Variants in CRIPT observed in about 807,000 individuals in gnomAD.
The protein encoded by CRIPT is cysteine-rich PDZ-binding protein.
CRIPT carries 20 observed loss-of-function variants against 16.6 expected under a neutral mutation model. The ratio of observed to expected loss-of-function variants is 1.20; its 90% CI spans 0.85 to 1.75. The LOEUF (loss-of-function observed/expected upper bound fraction) is 1.75. Ranked by LOEUF, CRIPT falls within the 40% of genes most tolerant of loss-of-function variation. The probability of loss-of-function intolerance (pLI) is 0.00; values close to 1 mark genes in which losing one functional copy is unlikely to be tolerated. For missense variants in CRIPT, 133 were observed against 115.3 expected (o/e 1.15, Z -0.70); for synonymous variants, 42 against 37.0 (o/e 1.14, Z -0.49).
At position 46,624,270 on chromosome 2, in the gene CRIPT, C is replaced by G; in HGVS notation, c.*43C>G. ...CTGGCTTTCTAAATGATTTTACTTTCTGCCTTGAATTTTCAAGGCATAGAT... is the reference window on the plus strand; with the variant it reads ...CTGGCTTTCTAAATGATTTTACTTTGTGCCTTGAATTTTCAAGGCATAGAT... On this transcript the variant is annotated 3_prime_UTR_variant, in exon 5 of 5. Coordinates refer to ENST00000238892, the MANE Select transcript of CRIPT (RefSeq NM_014171.6). 7.3e-7 allele frequency: 1 copy of G among 1,378,302 alleles called. No homozygotes were observed. The highest frequency in any genetic ancestry group is 2.0e-5 in the Admixed American group (1 of 50,070). The allele number at this position is 1,378,302 out of a possible 1,614,324, so 85.4% of individuals were successfully genotyped here.
chr2:46,621,158 C>A (rs762984916), intron 3 of CRIPT, among the ~76,000 whole-genome samples: 6 of 152,190 alleles, frequency 3.9e-5, no homozygotes, highest in African/African-American at 1.2e-4. Context: ...TTACAAAGTT[C>A]CTTTGCTTAA....
chr2:46,619,555 G>C lies in CRIPT; in HGVS notation c.83-72G>C, dbSNP rs906977804. On this transcript the variant is annotated intron_variant, in intron 2 of 4. Coordinates refer to ENST00000238892, the MANE Select transcript of CRIPT (RefSeq NM_014171.6). ...ACTACTATTTTGGTAGAAAGTCAAG[G>C]AATGAACTTCTTAATATTATATGTT... is the stretch of plus-strand genomic sequence containing the variant. 3.9e-6 allele frequency: 4 copies of C among 1,026,770 alleles called. No homozygotes were observed. In the African/African-American group the frequency reaches 6.7e-5, roughly 17 times the overall value. The allele number at this position is 1,026,770 out of a possible 1,614,324, so 63.6% of individuals were successfully genotyped here.
chr2:46,617,854 C>G (rs907551545), intron 1 of CRIPT, among the ~76,000 whole-genome samples: 54 of 151,996 alleles, frequency 3.6e-4, no homozygotes, highest in African/African-American at 1.2e-3. Flanking sequence ...TTTGGGGATT[C>G]TATATTTGGA....
In CRIPT at chr2:46,625,913, A is replaced by G. The variant is rs1315573343; in HGVS notation, c.*1686A>G. ...TAGAATCTGGACTTGCCTAACTCAC[A>G]TTTCATTTTTTTTGTTGTTGTTGTT... On this transcript the variant is annotated 3_prime_UTR_variant, in exon 5 of 5. Coordinates refer to ENST00000238892, the MANE Select transcript of CRIPT (RefSeq NM_014171.6). 2.0e-5 allele frequency among the ~76,000 whole-genome samples: 3 copies of G among 151,900 alleles called. No homozygotes were observed. Among genetic ancestry groups the G allele is most frequent in the African/African-American group, 4.8e-5 (2 of 41,256 alleles).
chr2:46,619,267 T>A (rs1203914447), intron 2 of CRIPT, among the ~76,000 whole-genome samples: 1 of 152,142 alleles, frequency 6.6e-6, no homozygotes, highest in Non-Finnish European at 1.5e-5. Flanking sequence ...TCATTATTAT[T>A]AAATACATAT....
At position 46,617,311 on chromosome 2, in the gene CRIPT, G is replaced by A. The variant is rs756000762; in HGVS notation, c.16+13G>A. 6.4e-7 allele frequency: 1 copy of A among 1,554,188 alleles called. No homozygotes were observed. Among genetic ancestry groups the A allele is most frequent in the Non-Finnish European group, 8.7e-7 (1 of 1,147,916 alleles). On this transcript the variant is annotated intron_variant, in intron 1 of 4. Coordinates refer to ENST00000238892, the MANE Select transcript of CRIPT (RefSeq NM_014171.6). ...GTGTGCGAAAAATGTGAGTTAAGGG[G>A]CCGCTTCTGCGGGAGGAGGAGGCTG... is the stretch of plus-strand genomic sequence containing the variant.
At position 46,624,276 on chromosome 2, in the gene CRIPT, T is replaced by C; in HGVS notation, c.*49T>C. The C allele has an allele frequency of 7.6e-7, 1 of 1,323,846 alleles. No individual in the cohort carries two copies. Among genetic ancestry groups the C allele is most frequent in the Non-Finnish European group, 1.0e-6 (1 of 958,716 alleles). 82.0% of individuals were successfully genotyped at this position (1,323,846 alleles called of 1,614,324 possible). A position where few individuals can be genotyped will look rare whatever the true frequency, so the allele number is the denominator to read the frequency against. On this transcript the variant is annotated 3_prime_UTR_variant, in exon 5 of 5. Coordinates refer to ENST00000238892, the MANE Select transcript of CRIPT (RefSeq NM_014171.6). ...TTCTAAATGATTTTACTTTCTGCCTTGAATTTTCAAGGCATAGATGTCAAC... is the reference window on the plus strand; with the variant it reads ...TTCTAAATGATTTTACTTTCTGCCTCGAATTTTCAAGGCATAGATGTCAAC...
chr2:46,624,950 C>T lies in CRIPT; in HGVS notation c.*723C>T, dbSNP rs10200194. 6.8e-6 allele frequency: 1 copy of T among 147,634 alleles called. No homozygotes were observed. The highest frequency in any genetic ancestry group is 2.1e-4 in the South Asian group (1 of 4,700). The allele number at this position is 147,634 out of a possible 1,614,324, so 9.1% of individuals were successfully genotyped here. A position where few individuals can be genotyped will look rare whatever the true frequency, so the allele number is the denominator to read the frequency against. On this transcript the variant is annotated 3_prime_UTR_variant, in exon 5 of 5. Transcript: ENST00000238892. ...CATGTAATGAAAATAAATCCCTGCT[C>T]TGAGAAAAGCTCTTTGAAGCAAAAA...
rs1432855267 is a variant in CRIPT, at chr2:46,627,127, C to T, written c.*2900C>T. Among the ~76,000 whole-genome samples the T allele has an allele frequency of 1.3e-5, 2 of 152,170 alleles. No individual in the cohort carries two copies. The highest frequency in any genetic ancestry group is 6.6e-5 in the Admixed American group (1 of 15,266). Reference sequence around the variant, plus strand: ...GGATTACAGGAGTGAGCCACCACACCTGGCCACGAGTTACTTGGTTTTCGT... The same window carrying T: ...GGATTACAGGAGTGAGCCACCACACTTGGCCACGAGTTACTTGGTTTTCGT... On this transcript the variant is annotated 3_prime_UTR_variant, in exon 5 of 5. Transcript: ENST00000238892.
In CRIPT at chr2:46,628,268, T is replaced by C. The variant is rs1670990517; in HGVS notation, c.*4041T>C. On this transcript the variant is annotated 3_prime_UTR_variant, in exon 5 of 5. Transcript: ENST00000238892. ...TGGGATTACAGGAGCCCGCCAACCA[T>C]GCCCAGCTAATTTATGTAATTTTAG... Among the ~76,000 whole-genome samples, 1 of 151,910 alleles carries C rather than the reference T, an allele frequency of 6.6e-6. No individual in the cohort carries two copies. Among genetic ancestry groups the C allele is most frequent in the Non-Finnish European group, 1.5e-5 (1 of 67,966 alleles).
chr2:46,622,456 T>C (rs1558718550), intron 3 of CRIPT, among the ~76,000 whole-genome samples: 1 of 151,630 alleles, frequency 6.6e-6, no homozygotes. Flanking sequence ...CCTCTGGAAA[T>C]ACATGTCCAA....
rs1670945851 is a variant in CRIPT, at chr2:46,626,674, G to T, written c.*2447G>T. On this transcript the variant is annotated 3_prime_UTR_variant, in exon 5 of 5. Coordinates refer to ENST00000238892, the MANE Select transcript of CRIPT (RefSeq NM_014171.6). ...ATAATAGCCATTCTGACTGGTGTGA[G>T]ATTGTAACTCATTGTGGTTTTGATT... 6.6e-6 allele frequency among the ~76,000 whole-genome samples: 1 copy of T among 152,126 alleles called. No individual in the cohort carries two copies. The highest frequency in any genetic ancestry group is 1.9e-4 in the East Asian group (1 of 5,182).
chr2:46,621,223 G>A (rs1011709612), intron 3 of CRIPT, among the ~76,000 whole-genome samples: 3 of 152,136 alleles, frequency 2.0e-5, no homozygotes, highest in African/African-American at 7.2e-5. Flanking sequence ...CCCCTACCAT[G>A]TTCTTACAAG....
rs1670884645 is a variant in CRIPT, at chr2:46,624,391, T to C, written c.*164T>C. 1 of 399,090 alleles carries C rather than the reference T, an allele frequency of 2.5e-6. No homozygotes were observed. The highest frequency in any genetic ancestry group is 2.1e-5 in the African/African-American group (1 of 48,408). 24.7% of individuals were successfully genotyped at this position (399,090 alleles called of 1,614,324 possible). On this transcript the variant is annotated 3_prime_UTR_variant, in exon 5 of 5. Coordinates refer to ENST00000238892, the MANE Select transcript of CRIPT (RefSeq NM_014171.6). ...GCTCTCATGTTCTAAACAGCAACAG[T>C]GTAACTAGTCTTTTGTTGTAAATGG...
In CRIPT at chr2:46,619,620, G is replaced by C. The variant is rs757707400; in HGVS notation, c.83-7G>C. ...AACCCACTAAAATATCTTTTATTCT[G>C]ATACAGAAAGTGGTGGAAGAAAGCT... is the stretch of plus-strand genomic sequence containing the variant. On this transcript the variant is annotated splice_region_variant and splice_polypyrimidine_tract_variant and intron_variant, in intron 2 of 4. Transcript: ENST00000238892. The C allele has an allele frequency of 1.9e-6, 3 of 1,602,444 alleles. No homozygotes were observed. The highest frequency in any genetic ancestry group is 2.2e-5 in the East Asian group (1 of 44,568).
chr2:46,618,898 GT>G, intron 2 of CRIPT, 60 bp downstream of exon 2: 1 of 1,009,180 alleles, frequency 9.9e-7, no homozygotes. Flanking sequence ...TAATACCTTA[GT>G]TTTTACATTA....
At position 46,625,503 on chromosome 2, in the gene CRIPT, G is replaced by A. The variant is rs1337065168; in HGVS notation, c.*1276G>A. On this transcript the variant is annotated 3_prime_UTR_variant, in exon 5 of 5. Transcript: ENST00000238892. Reference sequence around the variant, plus strand: ...CAGCCTACCGTGGGAAACCAAAAAAGCATTCCCTATTTCCAACTGCAGTAT... The same window carrying A: ...CAGCCTACCGTGGGAAACCAAAAAAACATTCCCTATTTCCAACTGCAGTAT... The A allele has an allele frequency of 6.8e-6, 1 of 147,436 alleles. No individual in the cohort carries two copies. The highest frequency in any genetic ancestry group is 2.5e-5 in the African/African-American group (1 of 39,950). The allele number at this position is 147,436 out of a possible 1,614,324, so 9.1% of individuals were successfully genotyped here.
In CRIPT at chr2:46,618,851, T is replaced by G; in HGVS notation, c.82+13T>G. 6.5e-7 allele frequency: 1 copy of G among 1,546,350 alleles called. No individual in the cohort carries two copies. Among genetic ancestry groups the G allele is most frequent in the South Asian group, 1.1e-5 (1 of 87,128 alleles). ...AGGAATACCACAGGTATTTCTTCTT[T>G]TAGAAAATAGGAATTTAACCGAATA... On this transcript the variant is annotated intron_variant, in intron 2 of 4. Transcript: ENST00000238892.
Position 46,626,864 on chromosome 2 carries a change from CT to C in CRIPT, c.*2638del, listed in dbSNP as rs1670951030. On this transcript the variant is annotated 3_prime_UTR_variant, in exon 5 of 5. Coordinates refer to ENST00000238892, the MANE Select transcript of CRIPT (RefSeq NM_014171.6). Reference sequence around the variant, plus strand: ...GTTTTTGTTTTGAGATGGAGTTTCACTGTTGTCACCCAGGCTAGAGTGCAAT... The same window carrying C: ...GTTTTTGTTTTGAGATGGAGTTTCACGTTGTCACCCAGGCTAGAGTGCAAT... Among the ~76,000 whole-genome samples the C allele has an allele frequency of 6.6e-6, 1 of 151,988 alleles. No homozygotes were observed. The highest frequency in any genetic ancestry group is 1.5e-5 in the Non-Finnish European group (1 of 68,008).
Sources: allele counts gnomAD v4.1 joint callset (sites outside exome capture counted in the v4.1 genomes callset), GRCh38; gene constraint gnomAD v4.1.1; transcripts MANE v1.5; gene names NCBI Gene and HGNC (gene_info 2026-07-23, HGNC 2026-07-21).